The following ADAMTS16 variants were observed in gnomAD, a reference collection of about 807,000 sequenced individuals.
The protein encoded by ADAMTS16 is ADAM metallopeptidase with thrombospondin type 1 motif 16.
ADAMTS16 carries 94 observed loss-of-function variants against 145.8 expected under a neutral mutation model. The observed-to-expected ratio is 0.64, with a 90% CI of 0.55 to 0.77. The LOEUF is 0.77. ADAMTS16 is among the 30% of genes least tolerant of loss of function. The pLI, the probability that ADAMTS16 is intolerant of heterozygous loss-of-function variation, is 0.00. For synonymous variants in ADAMTS16, 659 were observed against 604.3 expected (o/e 1.09, Z -1.33); for missense variants, 1,585 against 1,591.5 (o/e 1.00, Z 0.07).
In ADAMTS16 at chr5:5,158,063, C is replaced by A. The variant is rs184664414; in HGVS notation, c.501+11608C>A. ...TTAGGTCTCAGTTGAAAAGTCATTC[C>A]CATAAGTAATATCACACTGTTTCAC... On this transcript the variant is annotated intron_variant, in intron 3 of 22. Coordinates refer to ENST00000274181, the MANE Select transcript of ADAMTS16 (RefSeq NM_139056.4). 2.0e-5 allele frequency among the ~76,000 whole-genome samples: 3 copies of A among 152,334 alleles called. No individual in the cohort carries two copies. The East Asian group carries it at 5.8e-4, about 29-fold the overall frequency.
rs58412113 is a variant in ADAMTS16, at chr5:5,186,302, G to GGC, written c.963+51_963+52insGC. The GGC allele has an allele frequency of 1.1e-5, 9 of 851,780 alleles. No individual in the cohort carries two copies. The Admixed American group carries it at 2.2e-4, about 21-fold the overall frequency. The allele number at this position is 851,780 out of a possible 1,614,324, so 52.8% of individuals were successfully genotyped here. On this transcript the variant is annotated intron_variant, in intron 5 of 22. Transcript: ENST00000274181. ...CACCTGTGTCATTGCACTTCGTAGG[G>GGC]TGTGTGTGTGTGTGTGTGTGTGTGT...
rs745582635 is a variant in ADAMTS16, at chr5:5,235,087, C to T, written c.1924C>T (p.Arg642Trp). Reference protein sequence around the residue: ...LKLCNSQKCPRDSVDFRAAQC... With the variant: ...LKLCNSQKCPWDSVDFRAAQC... ...GCTCTGCAACAGTCAGAAATGTCCC[C>T]GGGACAGTGTTGACTTCCGTGCTGC... is the stretch of plus-strand genomic sequence containing the variant. Residue 642 changes from arginine (R) to tryptophan (W), a missense_variant, in exon 13 of 23, where the codon CGG (arginine) becomes TGG (tryptophan). By Grantham distance (101) the Arg-to-Trp change is moderately radical (BLOSUM62 -3). Transcript: ENST00000274181. 7.5e-6 allele frequency: 12 copies of T among 1,607,506 alleles called. No individual in the cohort carries two copies. Among genetic ancestry groups the T allele is most frequent in the African/African-American group, 1.3e-5 (1 of 74,912 alleles).
At chr5:5,199,162 C>T (rs1735887965) in intron 8 of ADAMTS16, among the ~76,000 whole-genome samples, 1 of 152,130 alleles carries the variant, frequency 6.6e-6, no homozygotes, top group African/African-American at 2.4e-5. Context: ...CAAGGCCCTC[C>T]TACAGCTTTC....
chr5:5,258,442 A>T (rs753533733), intron 17 of ADAMTS16, among the ~76,000 whole-genome samples: 1 of 152,240 alleles, frequency 6.6e-6, no homozygotes, highest in Admixed American at 6.5e-5. Context: ...AGACCCAGCC[A>T]CGGACCTGCT....
At chr5:5,303,787 G>A (rs1739900768) in intron 20 of ADAMTS16, 21 bp downstream of exon 20, 2 of 1,608,510 alleles carry the variant, frequency 1.2e-6, no homozygotes, top group Non-Finnish European at 1.7e-6. Context: ...TGGTCTCGCG[G>A]GAGCGAGGTT....
intron 10 of ADAMTS16, among the ~76,000 whole-genome samples, chr5:5,210,895 T>C (rs574088253): frequency 4.6e-5 from 7 of 152,332 alleles, no homozygotes; most frequent in African/African-American, 1.7e-4. Flanking sequence ...GTTTTTTCCA[T>C]TGGACTTTGA....
chr5:5,160,608 T>C (rs1358041344), intron 3 of ADAMTS16, among the ~76,000 whole-genome samples: 1 of 152,200 alleles, frequency 6.6e-6, no homozygotes, highest in African/African-American at 2.4e-5. Flanking sequence ...CCCCAGGCTG[T>C]GGTGGGTGCA....
intron 10 of ADAMTS16, among the ~76,000 whole-genome samples, chr5:5,210,190 A>C (rs62338161): frequency 1.3e-5 from 2 of 152,092 alleles, no homozygotes; most frequent in Non-Finnish European, 2.9e-5. Context: ...ATTCCCTGAG[A>C]AATTTTTTTT....
chr5:5,193,829 C>T (rs1282456230), intron 8 of ADAMTS16, among the ~76,000 whole-genome samples: 2 of 152,090 alleles, frequency 1.3e-5, no homozygotes, highest in South Asian at 2.1e-4. Context: ...GCCAGTCGGG[C>T]GTGGTGGCTC....
intron 17 of ADAMTS16, among the ~76,000 whole-genome samples, chr5:5,256,071 C>A (rs78884446): frequency 0.014 from 2,151 of 152,258 alleles, 43 homozygotes; most frequent in East Asian, 0.068. Flanking sequence ...CTGTTAATTG[C>A]TAAAACTTTC....
At chr5:5,177,848 T>G (rs1198539899) in intron 3 of ADAMTS16, among the ~76,000 whole-genome samples, 4 of 152,334 alleles carry the variant, frequency 2.6e-5, no homozygotes, top group African/African-American at 7.2e-5. Flanking sequence ...CTGTGTTTAT[T>G]GATAGGTGGC....
At chr5:5,301,450 A>T (rs1229810267) in intron 18 of ADAMTS16, among the ~76,000 whole-genome samples, 3 of 152,242 alleles carry the variant, frequency 2.0e-5, no homozygotes, top group Non-Finnish European at 2.9e-5. Context: ...CATGTTAAAA[A>T]TATGTTTACA....
intron 9 of ADAMTS16, among the ~76,000 whole-genome samples, chr5:5,201,723 G>T (rs187073828): frequency 1.3e-5 from 2 of 152,210 alleles, no homozygotes; most frequent in African/African-American, 4.8e-5. Flanking sequence ...CCCCAGGCTA[G>T]GAAACGAGAT....
intron 17 of ADAMTS16, among the ~76,000 whole-genome samples, chr5:5,249,977 T>C (rs1475825408): frequency 6.6e-6 from 1 of 152,188 alleles, no homozygotes; most frequent in Non-Finnish European, 1.5e-5. Context: ...CATCCCTGGC[T>C]GAACTCCTTT....
At chr5:5,148,077 A>G (rs1260483254) in intron 3 of ADAMTS16, among the ~76,000 whole-genome samples, 3 of 150,384 alleles carry the variant, frequency 2.0e-5, no homozygotes, top group Non-Finnish European at 1.5e-5. Context: ...TGAAAGATAA[A>G]GAAATTATAA....
chr5:5,181,909 T>G, intron 3 of ADAMTS16, 135 bp from the exon 4 acceptor site: 3 of 1,031,244 alleles, frequency 2.9e-6, no homozygotes, highest in Non-Finnish European at 2.8e-6. Context: ...TTTGAACCTT[T>G]CCAATGTTCG....
intron 11 of ADAMTS16, among the ~76,000 whole-genome samples, chr5:5,226,635 T>A (rs1372527884): frequency 6.6e-6 from 1 of 152,156 alleles, no homozygotes; most frequent in African/African-American, 2.4e-5. Flanking sequence ...TTTAGATGTG[T>A]GTGTGGCCAG....
intron 18 of ADAMTS16, among the ~76,000 whole-genome samples, chr5:5,290,755 T>C (rs1032551365): frequency 6.6e-6 from 1 of 152,224 alleles, no homozygotes; most frequent in Non-Finnish European, 1.5e-5. Flanking sequence ...GTTTTTAATA[T>C]CATTTTTCTG....
intron 3 of ADAMTS16, among the ~76,000 whole-genome samples, chr5:5,152,068 A>G (rs1011504485): frequency 6.6e-6 from 1 of 152,178 alleles, no homozygotes; most frequent in African/African-American, 2.4e-5. Flanking sequence ...GCTGTCATAA[A>G]TGGTTCTTCC....
Sources: allele counts gnomAD v4.1 joint callset (sites outside exome capture counted in the v4.1 genomes callset), GRCh38; gene constraint gnomAD v4.1.1; transcripts MANE v1.5; gene names NCBI Gene and HGNC (gene_info 2026-07-23, HGNC 2026-07-21).